Variants in CLDN10 observed in about 807,000 individuals in gnomAD.
The protein encoded by CLDN10 is claudin 10.
In CLDN10, 15 loss-of-function variants were observed where a neutral mutation model predicts 22.9. That is an observed-to-expected ratio of 0.65 (90% CI 0.44 to 1.01). The LOEUF (loss-of-function observed/expected upper bound fraction) is 1.01, where lower values mean the gene tolerates loss of function less well. Among genes scored for constraint, CLDN10 ranks in the 50% least tolerant of loss-of-function variants. The probability of loss-of-function intolerance (pLI) is 0.00; values close to 1 mark genes in which losing one functional copy is unlikely to be tolerated. For missense variants in CLDN10, 247 were observed against 287.8 expected (o/e 0.86, Z 1.03); for synonymous variants, 114 against 111.4 (o/e 1.02, Z -0.15).
chr13:95,435,008 T>A (rs946437189), intron 1 of CLDN10, among the ~76,000 whole-genome samples: 30 of 152,240 alleles, frequency 2.0e-4, no homozygotes, highest in Admixed American at 6.5e-5. Context: ...TTTGGTTACC[T>A]GATTTTATTT....
exon 1 of CLDN10, chr13:95,433,920 A>G (rs2042237476): frequency 2.5e-6 from 4 of 1,614,194 alleles, no homozygotes; most frequent in Non-Finnish European, 3.4e-6. Context: ...ATGAGTGGAA[A>G]GTGACCACGC....
chr13:95,561,996 C>T (rs918838507), intron 3 of CLDN10, among the ~76,000 whole-genome samples: 3 of 150,652 alleles, frequency 2.0e-5, no homozygotes, highest in African/African-American at 7.3e-5. Flanking sequence ...GTGGTGCGAT[C>T]TCGACTCACT....
chr13:95,562,074 C>T (rs1037323710), intron 3 of CLDN10, among the ~76,000 whole-genome samples: 12 of 151,988 alleles, frequency 7.9e-5, no homozygotes, highest in Non-Finnish European at 1.5e-4. Flanking sequence ...GGATTACAGG[C>T]ACGCACCACC....
chr13:95,439,662 T>C lies in CLDN10; in HGVS notation c.214+5615T>C, dbSNP rs184500763. ...GGGGCCTCTTTTATAACAGCACTAA[T>C]CCTATTCATGAGGGCTCTGCCTTCC... is the stretch of plus-strand genomic sequence containing the variant. On this transcript the variant is annotated intron_variant, in intron 1 of 4. Coordinates refer to the CLDN10 transcript ENST00000376873. 3.1e-3 allele frequency among the ~76,000 whole-genome samples: 464 copies of C among 151,890 alleles called. 3 individuals carry two copies. Among genetic ancestry groups the C allele is most frequent in the African/African-American group, 0.011 (451 of 41,416 alleles).
chr13:95,560,743 G>A (rs1315005980), intron 3 of CLDN10: 2 of 333,632 alleles, frequency 6.0e-6, no homozygotes, highest in Non-Finnish European at 1.1e-5. Context: ...TGAAACTGAG[G>A]TCAAGTAGAG....
At chr13:95,506,369 C>T (rs1165894756) in intron 1 of CLDN10, among the ~76,000 whole-genome samples, 1 of 152,202 alleles carries the variant, frequency 6.6e-6, no homozygotes, top group African/African-American at 2.4e-5. Flanking sequence ...AAAAGAACAG[C>T]CAGTCAGTGC....
chr13:95,471,970 A>C (rs1177222107), intron 1 of CLDN10, among the ~76,000 whole-genome samples: 2 of 126,754 alleles, frequency 1.6e-5, no homozygotes, highest in Non-Finnish European at 1.6e-5. Context: ...TTTTTGGTAG[A>C]GATAGAGTCT....
upstream of CLDN10, among the ~76,000 whole-genome samples, chr13:95,551,002 A>G (rs559881691): frequency 6.6e-6 from 1 of 151,902 alleles, no homozygotes; most frequent in African/African-American, 2.4e-5. Flanking sequence ...TCAGTTTTTA[A>G]GTTTAGTTTA....
chr13:95,500,482 T>C (rs1194742598), intron 1 of CLDN10, among the ~76,000 whole-genome samples: 1 of 152,090 alleles, frequency 6.6e-6, no homozygotes, highest in African/African-American at 2.4e-5. Context: ...AGGCCAGTGT[T>C]GGAGTAGAGT....
intron 3 of CLDN10, among the ~76,000 whole-genome samples, chr13:95,564,987 C>CT (rs1332398256): frequency 1.3e-5 from 2 of 152,092 alleles, no homozygotes; most frequent in Non-Finnish European, 2.9e-5. Context: ...TTTTGTTTTG[C>CT]TTTTTTTCAT....
At chr13:95,567,095 G>T (rs967265630) in intron 3 of CLDN10, among the ~76,000 whole-genome samples, 2 of 152,126 alleles carry the variant, frequency 1.3e-5, no homozygotes, top group African/African-American at 4.8e-5. Flanking sequence ...GATTGTCTTG[G>T]CTATGTGGGC....
chr13:95,517,387 G>T (rs2043180478), intron 1 of CLDN10, among the ~76,000 whole-genome samples: 1 of 152,164 alleles, frequency 6.6e-6, no homozygotes, highest in Non-Finnish European at 1.5e-5. Flanking sequence ...GGATCCGGTG[G>T]TGGGAGAAGG....
chr13:95,521,845 T>G (rs1243329362), intron 1 of CLDN10, among the ~76,000 whole-genome samples: 1 of 152,104 alleles, frequency 6.6e-6, no homozygotes, highest in East Asian at 1.9e-4. Flanking sequence ...TATGAATTGT[T>G]ATAGGACTAT....
At chr13:95,548,485 A>C (rs1329861098), upstream of CLDN10, among the ~76,000 whole-genome samples, 2 of 152,210 alleles carry the variant, frequency 1.3e-5, no homozygotes. Flanking sequence ...AATTTGCAAA[A>C]AAAATTATAG....
chr13:95,478,347 A>T (rs1247007514), intron 1 of CLDN10, among the ~76,000 whole-genome samples: 1 of 152,158 alleles, frequency 6.6e-6, no homozygotes, highest in East Asian at 1.9e-4. Flanking sequence ...TATAAAAAGC[A>T]CTGATCCCTG....
intron 1 of CLDN10, among the ~76,000 whole-genome samples, chr13:95,524,988 T>A (rs1434798174): frequency 6.6e-6 from 1 of 151,760 alleles, no homozygotes; most frequent in Non-Finnish European, 1.5e-5. Flanking sequence ...GCCTCCTGAG[T>A]AGCTGGGATT....
Position 95,433,824 on chromosome 13 carries a change from G to A in CLDN10, c.-10G>A, listed in dbSNP as rs774985955. ...TGACCGGACAGTGTCACTGGAGAAGGCGGCGCGACATGTCCAGGGCGCAGA... is the reference window on the plus strand; with the variant it reads ...TGACCGGACAGTGTCACTGGAGAAGACGGCGCGACATGTCCAGGGCGCAGA... On this transcript the variant is annotated 5_prime_UTR_variant, in exon 1 of 5. Transcript: ENST00000376873. 3.7e-6 allele frequency: 6 copies of A among 1,613,614 alleles called. No homozygotes were observed. The Admixed American group carries it at 8.3e-5, about 22-fold the overall frequency.
chr13:95,438,996 A>G (rs896534521), intron 1 of CLDN10, among the ~76,000 whole-genome samples: 4 of 145,900 alleles, frequency 2.7e-5, no homozygotes, highest in African/African-American at 1.0e-4. Context: ...AAAAAAAAAA[A>G]AAGCGGAGGG....
intron 1 of CLDN10, among the ~76,000 whole-genome samples, chr13:95,463,285 A>AATATATATATATAT (rs200962205): frequency 6.2e-4 from 25 of 40,072 alleles, no homozygotes; most frequent in African/African-American, 1.1e-3. Flanking sequence ...GCAAATGCTT[A>AATATATATATATAT]ATATATATAT....
Sources: allele counts gnomAD v4.1 joint callset (sites outside exome capture counted in the v4.1 genomes callset), GRCh38; gene constraint gnomAD v4.1.1; transcripts MANE v1.5; gene names NCBI Gene and HGNC (gene_info 2026-07-23, HGNC 2026-07-21).